The following GLI1 variants were observed in gnomAD, a reference collection of about 807,000 sequenced individuals.
GLI1 encodes the protein GLI family zinc finger 1.
GLI1 carries 51 observed loss-of-function variants against 87.8 expected under a neutral mutation model. That is an observed-to-expected ratio of 0.58 (90% confidence interval 0.46 to 0.73). The LOEUF is 0.73. Among genes scored for constraint, GLI1 ranks in the 30% least tolerant of loss-of-function variants. The pLI, the probability that GLI1 is intolerant of heterozygous loss-of-function variation, is 0.00. For synonymous variants in GLI1, 528 were observed against 558.2 expected (o/e 0.95, Z 0.76); for missense variants, 1,292 against 1,437.2 (o/e 0.90, Z 1.63).
chr12:57,465,539 C>G, intron 5 of GLI1, 68 bp from the exon 6 acceptor site: 1 of 1,316,648 alleles, frequency 7.6e-7, no homozygotes. Flanking sequence ...GCAGGAAGAC[C>G]TGGCTTGGTT....
chr12:57,466,471 C>T (rs1025316443), intron 8 of GLI1, 82 bp downstream of exon 8: 33 of 997,210 alleles, frequency 3.3e-5, no homozygotes, highest in Non-Finnish European at 4.7e-5. Context: ...CAGACTTTTG[C>T]TTTTATAAGT....
chr12:57,464,921 A>G (rs1871376710), intron 4 of GLI1, 53 bp downstream of exon 4: 1 of 1,427,416 alleles, frequency 7.0e-7, no homozygotes, highest in Middle Eastern at 1.8e-4. Context: ...CAAGTCCATT[A>G]AAAGTCTCAA....
intron 8 of GLI1, among the ~76,000 whole-genome samples, chr12:57,467,031 G>A (rs1249034410): frequency 1.3e-5 from 2 of 152,136 alleles, no homozygotes; most frequent in Non-Finnish European, 2.9e-5. Context: ...ACAACAGCCC[G>A]TTCCCCCAAG....
rs1871895345 is a variant in GLI1, at chr12:57,471,186, C to A, written c.2446C>A (p.Pro816Thr). 2 of 1,601,810 alleles carry A rather than the reference C, an allele frequency of 1.2e-6. No homozygotes were observed. The highest frequency in any genetic ancestry group is 1.3e-5 in the African/African-American group (1 of 74,576). Residue 816 changes from proline to threonine, a missense_variant, in exon 12 of 12, where the codon CCA (proline) becomes ACA (threonine). Coordinates refer to ENST00000228682, the MANE Select transcript of GLI1 (RefSeq NM_005269.3). This position sits in a 1 kb window ranked among gnomAD's most constrained non-coding sequence, Gnocchi z 4.9. ...ACATTATGGACAAGTGCAAGTCAAG[C>A]CAGAACAGGGGTGCCCAGTGGGGTC... ...LEHYGQVQVK[P>T]EQGCPVGSDS...
Position 57,467,480 on chromosome 12 carries a change from C to G in GLI1, c.1060C>G (p.Arg354Gly). 1 of 1,605,616 alleles carries G rather than the reference C, an allele frequency of 6.2e-7. No individual in the cohort carries two copies. The highest frequency in any genetic ancestry group is 8.5e-7 in the Non-Finnish European group (1 of 1,173,090). Reference sequence around the variant, plus strand: ...CAGTGACCGAGCCAAGCACCAGAATCGGACCCATTCCAATGAGGTGAATGC... The same window carrying G: ...CAGTGACCGAGCCAAGCACCAGAATGGGACCCATTCCAATGAGGTGAATGC... ...NASDRAKHQNRTHSNEKPYVC... is the reference protein window; with the variant it reads ...NASDRAKHQNGTHSNEKPYVC... The change falls in exon 9 of 12, where the codon CGG becomes GGG. Residue 354 changes from arginine (R) to glycine (G), a missense_variant. Arg to Gly is a moderately radical substitution (Grantham distance 125). Around this residue, in one of 3 missense-constraint regions of GLI1, gnomAD observed 897 missense variants for 1,040.7 expected, o/e 0.86. Transcript: ENST00000228682.
intron 9 of GLI1, 86 bp downstream of exon 9, chr12:57,467,583 C>T (rs1219549897): frequency 4.3e-6 from 5 of 1,162,122 alleles, no homozygotes; most frequent in Non-Finnish European, 6.1e-6. Flanking sequence ...TAGCCCAGCA[C>T]CCACTCCACA....
In GLI1 at chr12:57,467,981, C is replaced by A. The variant is rs753264849; in HGVS notation, c.1078-13C>A. On this transcript the variant is annotated splice_polypyrimidine_tract_variant and intron_variant, in intron 9 of 11. Coordinates refer to ENST00000228682, the MANE Select transcript of GLI1 (RefSeq NM_005269.3). The stretch of plus-strand genomic sequence containing the variant: ...GATCCGTTTGCCTTCTGTCTCCACT[C>A]TCCACTCAACAGAAGCCGTATGTAT... The A allele has an allele frequency of 1.9e-6, 3 of 1,583,146 alleles. No homozygotes were observed. The South Asian group carries it at 3.3e-5, about 18-fold the overall frequency.
chr12:57,460,366 G>A (rs978816696), intron 1 of GLI1, 165 bp downstream of exon 1: 2 of 152,322 alleles, frequency 1.3e-5, no homozygotes, highest in Non-Finnish European at 2.9e-5. Context: ...TTTCACTTGT[G>A]TCTTTCTCTG....
chr12:57,467,451 A>G lies in GLI1; in HGVS notation c.1031A>G (p.Asn344Ser). Residue 344 changes from asparagine (N) to serine (S), a missense_variant, in exon 9 of 12, where the codon AAT becomes AGT. By Grantham distance (46) the Asn-to-Ser change is conservative. Coordinates refer to ENST00000228682, the MANE Select transcript of GLI1 (RefSeq NM_005269.3). ...EHEGCSKAFS[N>S]ASDRAKHQNR... is the part of the protein sequence containing the mutation. ...GAGGGCTGCAGTAAAGCCTTCAGCA[A>G]TGCCAGTGACCGAGCCAAGCACCAG... 4 of 1,610,942 alleles carry G rather than the reference A, an allele frequency of 2.5e-6. No individual in the cohort carries two copies. The highest frequency in any genetic ancestry group is 2.5e-6 in the Non-Finnish European group (3 of 1,177,312).
chr12:57,469,124 A>G (rs1871697989), intron 10 of GLI1, among the ~76,000 whole-genome samples: 1 of 152,186 alleles, frequency 6.6e-6, no homozygotes, highest in Admixed American at 6.6e-5. Flanking sequence ...TCCTCACAGC[A>G]ACTTCATGAT....
rs1871011354 is a variant in GLI1, at chr12:57,459,889, C to A, written c.-340C>A. Among the ~76,000 whole-genome samples, 1 of 152,028 alleles carries A rather than the reference C, an allele frequency of 6.6e-6. No homozygotes were observed. Among genetic ancestry groups the A allele is most frequent in the South Asian group, 2.1e-4 (1 of 4,816 alleles). ...TTGCTTCCAGCTACCCCGCCTCATC[C>A]TCCAGAACGGCAAGAGGGAGGGAAA... On this transcript the variant is annotated 5_prime_UTR_variant, in exon 1 of 12. Coordinates refer to ENST00000228682, the MANE Select transcript of GLI1 (RefSeq NM_005269.3).
intron 1 of GLI1, among the ~76,000 whole-genome samples, chr12:57,462,418 G>C (rs1304931685): frequency 6.6e-6 from 1 of 150,994 alleles, no homozygotes; most frequent in Non-Finnish European, 1.5e-5. Context: ...CCACCGCGCC[G>C]GCCGGCCCGG....
Position 57,463,755 on chromosome 12 carries a change from C to A in GLI1, c.64C>A (p.Leu22Ile). 6.2e-7 allele frequency: 1 copy of A among 1,610,696 alleles called. No individual in the cohort carries two copies. The change falls in exon 2 of 12, where the codon CTC becomes ATC. Residue 22 changes from leucine (L) to isoleucine (I), a missense_variant. Leu to Ile is a conservative substitution (Grantham distance 5). Transcript: ENST00000228682. ...TGGCGAGCCCTGCTGTCTCCGGCCCCTCCCCAGTCAGGGGGCCCCCAGTGT... is the reference window on the plus strand; with the variant it reads ...TGGCGAGCCCTGCTGTCTCCGGCCCATCCCCAGTCAGGGGGCCCCCAGTGT... The part of the protein sequence containing the change: ...SYGEPCCLRP[L>I]PSQGAPSVGT...
At chr12:57,464,894 C>T (rs549937564) in intron 4 of GLI1, 26 bp downstream of exon 4, 2 of 1,520,466 alleles carry the variant, frequency 1.3e-6, no homozygotes, top group Admixed American at 1.7e-5. Flanking sequence ...GGCCAAGAGG[C>T]CCCTAAAGCC....
At chr12:57,466,591 T>C (rs1016367760) in intron 8 of GLI1, among the ~76,000 whole-genome samples, 2 of 152,198 alleles carry the variant, frequency 1.3e-5, no homozygotes, top group African/African-American at 4.8e-5. Context: ...AGCTCATTTT[T>C]TTCCCCTTGA....
In GLI1 at chr12:57,471,075, A is replaced by G; in HGVS notation, c.2335A>G (p.Thr779Ala). 1.2e-6 allele frequency: 2 copies of G among 1,612,988 alleles called. No individual in the cohort carries two copies. The highest frequency in any genetic ancestry group is 1.7e-6 in the Non-Finnish European group (2 of 1,179,522). The change falls in exon 12 of 12, where the codon ACA becomes GCA. Residue 779 changes from threonine to alanine, a missense_variant. Physicochemically the swap from Thr to Ala is moderately conservative, Grantham distance 58. This residue lies in a region of GLI1 where 897 missense variants were observed against 1,040.7 expected (regional missense o/e 0.86). Coordinates refer to ENST00000228682, the MANE Select transcript of GLI1 (RefSeq NM_005269.3). This position sits in a 1 kb window ranked among gnomAD's most constrained non-coding sequence, Gnocchi z 4.9. The part of the protein sequence containing the change: ...QASYPDPTQE[T>A]WGEFPSHSGL... ...CTCATATCCTGACCCCACCCAAGAA[A>G]CATGGGGTGAGTTCCCTTCCCACTC... is the stretch of plus-strand genomic sequence containing the variant.
chr12:57,467,508 T>TTA lies in GLI1; in HGVS notation c.1077+11_1077+12insTA. ...ACCCATTCCAATGAGGTGAATGCCC[T>TTA]AACTAAGCGACCCTCCCCTCTTGAG... is the stretch of plus-strand genomic sequence containing the variant. On this transcript the variant is annotated intron_variant, in intron 9 of 11. Transcript: ENST00000228682. 6.3e-7 allele frequency: 1 copy of TTA among 1,583,972 alleles called. No individual in the cohort carries two copies. Among genetic ancestry groups the TTA allele is most frequent in the Non-Finnish European group, 8.6e-7 (1 of 1,157,512 alleles).
rs372582733 is a variant in GLI1, at chr12:57,467,317, C to T, written c.913-16C>T. 8.2e-6 allele frequency: 13 copies of T among 1,592,390 alleles called. No individual in the cohort carries two copies. In the African/African-American group the frequency reaches 1.6e-4, roughly 20 times the overall value. ...TCTGTCTGAGAACTATCCTTTGACC[C>T]CTGCATGTCCCCCAGTTTGAAGGGT... On this transcript the variant is annotated splice_polypyrimidine_tract_variant and intron_variant, in intron 8 of 11. Coordinates refer to ENST00000228682, the MANE Select transcript of GLI1 (RefSeq NM_005269.3).
Position 57,470,332 on chromosome 12 carries a change from G to A in GLI1, c.1592G>A (p.Arg531His), listed in dbSNP as rs147758271. The change falls in exon 12 of 12, where the codon CGC (arginine) becomes CAC (histidine). Residue 531 changes from arginine (R) to histidine (H), a missense_variant. Physicochemically the swap from Arg to His is conservative, Grantham distance 29. This residue lies in a region of GLI1 where 897 missense variants were observed against 1,040.7 expected (regional missense o/e 0.86). Transcript: ENST00000228682. ...SLSHTGTTVSRRVGPPVSLER... is the reference protein window; with the variant it reads ...SLSHTGTTVSHRVGPPVSLER... ...TCACTTGCAGGTACCACTGTGTCCC[G>A]CCGCGTGGGCCCCCCAGTCTCTCTT... 60 of 1,568,828 alleles carry A rather than the reference G, an allele frequency of 3.8e-5. No homozygotes were observed. In the Middle Eastern group the frequency reaches 5.2e-4, roughly 14 times the overall value.
Sources: allele counts gnomAD v4.1 joint callset (sites outside exome capture counted in the v4.1 genomes callset), GRCh38; gene constraint gnomAD v4.1.1; regional missense constraint gnomAD v4.1.1; non-coding constraint Gnocchi (gnomAD v3.1); transcripts MANE v1.5; gene names NCBI Gene and HGNC (gene_info 2026-07-23, HGNC 2026-07-21).